Variants in TNS3 observed in about 807,000 individuals in gnomAD.
The protein encoded by TNS3 is tensin-3.
TNS3 carries 45 observed loss-of-function variants against 140.9 expected under a neutral mutation model. That is an observed-to-expected ratio of 0.32 (90% CI 0.25 to 0.41). The LOEUF is 0.41. Ranked by LOEUF, TNS3 falls within the 10% of genes least tolerant of loss-of-function variation. The pLI, the probability that TNS3 is intolerant of heterozygous loss-of-function variation, is 1.00. For missense variants in TNS3, 1,716 were observed against 1,906.7 expected (o/e 0.90, Z 1.86); for synonymous variants, 815 against 788.4 (o/e 1.03, Z -0.56).
intron 2 of TNS3, among the ~76,000 whole-genome samples, chr7:47,508,436 C>T (rs1199333631): frequency 1.3e-5 from 2 of 152,198 alleles, no homozygotes; most frequent in African/African-American, 4.8e-5. Context: ...AAACAAGGGG[C>T]TTCCACACAA....
chr7:47,432,611 G>T (rs1794977484), intron 8 of TNS3, among the ~76,000 whole-genome samples: 1 of 152,224 alleles, frequency 6.6e-6, no homozygotes, highest in Non-Finnish European at 1.5e-5. Context: ...ACCCTGATAT[G>T]AGGTCTTTCT....
intron 9 of TNS3, 73 bp downstream of exon 9, chr7:47,428,239 G>A (rs756766562): frequency 1.9e-5 from 21 of 1,132,098 alleles, no homozygotes; most frequent in South Asian, 5.4e-5. Context: ...CAGCTCCCGC[G>A]CAGACAGCCT....
At chr7:47,332,784 G>A (rs1451675128) in intron 20 of TNS3, among the ~76,000 whole-genome samples, 2 of 152,104 alleles carry the variant, frequency 1.3e-5, no homozygotes, top group Non-Finnish European at 2.9e-5. Context: ...TGCTTTCAGA[G>A]GTTATGCAAA....
At chr7:47,358,871 G>T (rs142296088) in intron 17 of TNS3, among the ~76,000 whole-genome samples, 210 of 152,262 alleles carry the variant, frequency 1.4e-3, no homozygotes, top group African/African-American at 4.8e-3. Flanking sequence ...CAGCACTCAG[G>T]CCGTTAGGGT....
At chr7:47,339,505 T>C (rs773040772) in intron 20 of TNS3, among the ~76,000 whole-genome samples, 4 of 152,172 alleles carry the variant, frequency 2.6e-5, no homozygotes, top group Non-Finnish European at 4.4e-5. Context: ...GGCATATCTG[T>C]GTAGGCCTGT....
At chr7:47,535,859 G>T (rs368702054) in intron 1 of TNS3, among the ~76,000 whole-genome samples, 1 of 152,234 alleles carries the variant, frequency 6.6e-6, no homozygotes, top group East Asian at 1.9e-4. Context: ...ACACGCAAAA[G>T]TGCAAAGCTG....
chr7:47,515,642 T>C (rs536714982), intron 2 of TNS3, among the ~76,000 whole-genome samples: 3 of 151,934 alleles, frequency 2.0e-5, no homozygotes, highest in African/African-American at 7.2e-5. Flanking sequence ...ACCAACATCA[T>C]ACCATCATCA....
At chr7:47,395,088 A>T (rs1412091435) in intron 16 of TNS3, among the ~76,000 whole-genome samples, 1 of 152,022 alleles carries the variant, frequency 6.6e-6, no homozygotes, top group Non-Finnish European at 1.5e-5. Context: ...ATGGTCAATA[A>T]CCCTCCAGGC....
intron 4 of TNS3, among the ~76,000 whole-genome samples, chr7:47,465,018 T>C (rs1010967380): frequency 2.6e-5 from 4 of 152,152 alleles, no homozygotes; most frequent in African/African-American, 7.2e-5. Flanking sequence ...ACAAAACCTA[T>C]CAAGGCTGAT....
intron 1 of TNS3, among the ~76,000 whole-genome samples, chr7:47,568,656 G>C (rs1290106478): frequency 6.6e-6 from 1 of 152,252 alleles, no homozygotes; most frequent in Non-Finnish European, 1.5e-5. Flanking sequence ...CATCTTCTAT[G>C]CATGGCAACA....
intron 20 of TNS3, among the ~76,000 whole-genome samples, chr7:47,333,779 A>C (rs1788470921): frequency 6.6e-6 from 1 of 152,156 alleles, no homozygotes; most frequent in South Asian, 2.1e-4. Context: ...GTGTCTCTCT[A>C]TCAGTCCCTG....
intron 18 of TNS3, among the ~76,000 whole-genome samples, chr7:47,345,855 A>G (rs1432813448): frequency 6.6e-6 from 1 of 152,156 alleles, no homozygotes; most frequent in African/African-American, 2.4e-5. Context: ...AACCCACACA[A>G]CCCACCCACA....
chr7:47,377,247 G>GA (rs1226274047), intron 16 of TNS3, among the ~76,000 whole-genome samples: 6 of 152,354 alleles, frequency 3.9e-5, no homozygotes, highest in Non-Finnish European at 8.8e-5. Flanking sequence ...ACAGCCCAGG[G>GA]AAAATGCTGA....
At chr7:47,386,032 T>C (rs1336025097) in intron 16 of TNS3, among the ~76,000 whole-genome samples, 1 of 152,264 alleles carries the variant, frequency 6.6e-6, no homozygotes, top group Non-Finnish European at 1.5e-5. Flanking sequence ...CTATTGAATT[T>C]TCATAGTATA....
intron 1 of TNS3, among the ~76,000 whole-genome samples, chr7:47,558,782 C>A (rs1800261701): frequency 6.6e-6 from 1 of 152,148 alleles, no homozygotes; most frequent in Admixed American, 6.5e-5. Context: ...ATGGGACATT[C>A]CTCTGTGTAC....
At chr7:47,351,999 C>T (rs1305497903) in intron 17 of TNS3, among the ~76,000 whole-genome samples, 4 of 152,160 alleles carry the variant, frequency 2.6e-5, no homozygotes, top group Admixed American at 2.6e-4. Context: ...AACACTCACT[C>T]TCACGTGGTC....
At chr7:47,329,684 C>A (rs557462594) in intron 20 of TNS3, among the ~76,000 whole-genome samples, 1 of 152,256 alleles carries the variant, frequency 6.6e-6, no homozygotes, top group East Asian at 1.9e-4. Flanking sequence ...GCAGGCTCAG[C>A]GGAAGCGGAT....
chr7:47,423,489 C>T (rs1446227994), intron 10 of TNS3, among the ~76,000 whole-genome samples: 1 of 152,228 alleles, frequency 6.6e-6, no homozygotes, highest in Admixed American at 6.5e-5. Context: ...GAGCTCATTC[C>T]AGGGGCCACG....
intron 10 of TNS3, among the ~76,000 whole-genome samples, chr7:47,418,474 G>C (rs1001007715): frequency 5.3e-5 from 8 of 152,166 alleles, no homozygotes; most frequent in Admixed American, 2.0e-4. Context: ...GCCCTCTAAA[G>C]ACCATCCCAA....
Sources: allele counts gnomAD v4.1 joint callset (sites outside exome capture counted in the v4.1 genomes callset), GRCh38; gene constraint gnomAD v4.1.1; transcripts MANE v1.5; gene names NCBI Gene and HGNC (gene_info 2026-07-23, HGNC 2026-07-21).